Variants in LRRC4C observed in about 807,000 individuals in gnomAD.
The protein encoded by LRRC4C is leucine rich repeat containing 4C.
In LRRC4C, 5 loss-of-function variants were observed where a neutral mutation model predicts 33.6. That is an observed-to-expected ratio of 0.15 (90% CI 0.08 to 0.31). The LOEUF is 0.31. Among genes scored for constraint, LRRC4C ranks in the 10% least tolerant of loss-of-function variants. LRRC4C has a pLI of 1.00. For synonymous variants in LRRC4C, 329 were observed against 302.0 expected (o/e 1.09, Z -0.93); for missense variants, 560 against 796.7 (o/e 0.70, Z 3.58).
intron 1 of LRRC4C, among the ~76,000 whole-genome samples, chr11:41,294,473 G>A (rs567637526): frequency 1.3e-5 from 2 of 152,226 alleles, no homozygotes; most frequent in East Asian, 3.9e-4. Flanking sequence ...ACTACTGTGG[G>A]TATACATGAG....
chr11:41,003,083 A>T (rs2137411043), intron 1 of LRRC4C, among the ~76,000 whole-genome samples: 1 of 152,306 alleles, frequency 6.6e-6, no homozygotes, highest in East Asian at 1.9e-4. Context: ...AAAACAAAAC[A>T]ATATGCAAAA....
At chr11:41,013,669 G>A (rs538169100) in intron 1 of LRRC4C, among the ~76,000 whole-genome samples, 1 of 152,228 alleles carries the variant, frequency 6.6e-6, no homozygotes, top group Admixed American at 6.5e-5. Context: ...CAAGATCAAG[G>A]TGTCAGTAAG....
chr11:40,330,621 C>T (rs1384773166), intron 3 of LRRC4C, among the ~76,000 whole-genome samples: 1 of 152,072 alleles, frequency 6.6e-6, no homozygotes, highest in South Asian at 2.1e-4. Context: ...GCGGAAGGCA[C>T]CTCTTCACAG....
At chr11:40,884,136 C>A (rs1477951853) in intron 2 of LRRC4C, among the ~76,000 whole-genome samples, 1 of 151,980 alleles carries the variant, frequency 6.6e-6, no homozygotes, top group Non-Finnish European at 1.5e-5. Context: ...TATTGTTCAA[C>A]TCCCACTTAT....
intron 2 of LRRC4C, among the ~76,000 whole-genome samples, chr11:40,736,000 G>A (rs1480545669): frequency 1.4e-5 from 2 of 138,958 alleles, no homozygotes; most frequent in Non-Finnish European, 3.1e-5. Context: ...ACTTATTGAT[G>A]GGGTTGTTTT....
chr11:40,380,742 C>T (rs570021532), intron 3 of LRRC4C, among the ~76,000 whole-genome samples: 275 of 152,262 alleles, frequency 1.8e-3, no homozygotes, highest in Non-Finnish European at 3.5e-3. Flanking sequence ...CTGCTATTCA[C>T]TTCATGTAAA....
At chr11:41,083,811 C>T (rs1188362858) in intron 1 of LRRC4C, among the ~76,000 whole-genome samples, 3 of 152,070 alleles carry the variant, frequency 2.0e-5, no homozygotes, top group Admixed American at 6.6e-5. Flanking sequence ...ATGGGATATC[C>T]AACTTTGGAA....
chr11:41,234,146 C>G (rs1395648452), intron 1 of LRRC4C, among the ~76,000 whole-genome samples: 1 of 151,984 alleles, frequency 6.6e-6, no homozygotes, highest in African/African-American at 2.4e-5. Flanking sequence ...AAGCTAAAGC[C>G]TACTACCTCA....
intron 3 of LRRC4C, among the ~76,000 whole-genome samples, chr11:40,526,229 A>G (rs2135270807): frequency 6.6e-6 from 1 of 152,334 alleles, no homozygotes; most frequent in East Asian, 1.9e-4. Flanking sequence ...AAAACGTGAT[A>G]AATCAGACTA....
intron 2 of LRRC4C, among the ~76,000 whole-genome samples, chr11:40,777,349 C>T (rs1252812591): frequency 6.6e-6 from 1 of 152,060 alleles, no homozygotes; most frequent in African/African-American, 2.4e-5. Context: ...AATTATGTCC[C>T]TGCCTACATC....
chr11:40,638,286 A>G (rs553369747), intron 3 of LRRC4C, among the ~76,000 whole-genome samples: 1 of 152,320 alleles, frequency 6.6e-6, no homozygotes, highest in East Asian at 1.9e-4. Flanking sequence ...ATATCTCCAA[A>G]GCCAAGAATA....
At chr11:40,167,258 C>T (rs1242293477) in intron 5 of LRRC4C, among the ~76,000 whole-genome samples, 1 of 152,122 alleles carries the variant, frequency 6.6e-6, no homozygotes, top group African/African-American at 2.4e-5. Context: ...GACCACTTTT[C>T]TTGGTAACCT....
intron 1 of LRRC4C, among the ~76,000 whole-genome samples, chr11:41,056,689 A>G (rs1312965977): frequency 6.6e-6 from 1 of 152,242 alleles, no homozygotes; most frequent in Non-Finnish European, 1.5e-5. Flanking sequence ...CATTAGATAA[A>G]TGCAAACCAA....
intron 1 of LRRC4C, among the ~76,000 whole-genome samples, chr11:41,362,113 A>G (rs1231946788): frequency 3.3e-5 from 5 of 152,184 alleles, no homozygotes; most frequent in Non-Finnish European, 7.4e-5. Flanking sequence ...CAAGATATGG[A>G]CAAAAAGATT....
At chr11:40,247,920 T>C (rs1356749075) in intron 4 of LRRC4C, among the ~76,000 whole-genome samples, 2 of 152,170 alleles carry the variant, frequency 1.3e-5, no homozygotes, top group African/African-American at 4.8e-5. Context: ...TAGCAGAAAA[T>C]GATGTTATGT....
intron 3 of LRRC4C, among the ~76,000 whole-genome samples, chr11:40,376,384 G>T (rs1414463691): frequency 6.6e-6 from 1 of 152,138 alleles, no homozygotes; most frequent in African/African-American, 2.4e-5. Context: ...ACACAGAAAA[G>T]AGTTGAACAG....
At chr11:40,864,484 T>C (rs758553129) in intron 2 of LRRC4C, among the ~76,000 whole-genome samples, 2 of 152,204 alleles carry the variant, frequency 1.3e-5, no homozygotes, top group Admixed American at 1.3e-4. Flanking sequence ...AACTGAGTAG[T>C]TGAGACAGAG....
intron 5 of LRRC4C, among the ~76,000 whole-genome samples, chr11:40,160,169 G>C (rs1292698097): frequency 2.0e-5 from 3 of 150,740 alleles, no homozygotes; most frequent in Non-Finnish European, 4.4e-5. Context: ...CCAGAGAAGA[G>C]TTGCGAAGAT....
intron 3 of LRRC4C, among the ~76,000 whole-genome samples, chr11:40,601,494 C>A (rs1959988561): frequency 6.6e-6 from 1 of 152,152 alleles, no homozygotes; most frequent in South Asian, 2.1e-4. Flanking sequence ...TGATTCAATA[C>A]ATCTGGAATA....
Sources: allele counts gnomAD v4.1 joint callset (sites outside exome capture counted in the v4.1 genomes callset), GRCh38; gene constraint gnomAD v4.1.1; transcripts MANE v1.5; gene names NCBI Gene and HGNC (gene_info 2026-07-23, HGNC 2026-07-21).